The following APP variants were observed in gnomAD, a reference collection of about 807,000 sequenced individuals.
The protein encoded by APP is amyloid beta precursor protein, also known as amyloid-beta precursor protein.
Under a neutral mutation model 101.4 loss-of-function variants are expected in APP, and 31 were observed. The ratio of observed to expected loss-of-function variants is 0.31; its 90% CI spans 0.23 to 0.41. The LOEUF (loss-of-function observed/expected upper bound fraction) is 0.41. APP is among the 10% of genes least tolerant of loss of function. APP has a pLI of 1.00. For synonymous variants in APP, 366 were observed against 364.4 expected, an observed-to-expected ratio of 1.00 and a Z score of -0.05; for missense variants, 839 against 1,003.7, an observed-to-expected ratio of 0.84 and a Z score of 2.22.
chr21:26,152,516 A>G (rs960678419), intron 1 of APP, among the ~76,000 whole-genome samples: 1 of 152,128 alleles, frequency 6.6e-6, no homozygotes, highest in Admixed American at 6.5e-5. Flanking sequence ...CGTAATCTAT[A>G]GCATAATCTC....
intron 3 of APP, among the ~76,000 whole-genome samples, chr21:26,062,472 G>C (rs1357068359): frequency 1.3e-5 from 2 of 151,870 alleles, no homozygotes; most frequent in African/African-American, 4.8e-5. Context: ...AGACCAGCCT[G>C]GCTAACATGG....
Position 26,170,600 on chromosome 21 carries a change from C to A in APP, c.21G>T (p.Leu7=). MLPGLA[L]LLLAAWTARA... ...GAGCCGTCCAGGCGGCCAGCAGGAG[C>A]AGTGCCAAACCGGGCAGCATCGCGA... The change falls in exon 1 of 18, where the codon CTG becomes CTT. Residue 7 remains leucine, a synonymous_variant. Coordinates refer to ENST00000346798, the MANE Select transcript of APP (RefSeq NM_000484.4). 1 of 1,538,464 alleles carries A rather than the reference C, an allele frequency of 6.5e-7. No homozygotes were observed.
chr21:26,170,512 A>G (rs1017218212), intron 1 of APP, 52 bp downstream of exon 1: 40 of 1,524,468 alleles, frequency 2.6e-5, no homozygotes, highest in Non-Finnish European at 3.4e-5. Context: ...CTTGGGGGGT[A>G]TCGCGTCCCC....
intron 4 of APP, among the ~76,000 whole-genome samples, chr21:26,053,021 CAG>C (rs752625882): frequency 2.6e-5 from 4 of 151,994 alleles, no homozygotes; most frequent in African/African-American, 4.8e-5. Context: ...TGTGTGGGGA[CAG>C]GGGGTACACG....
At chr21:26,107,221 T>C (rs895846100) in intron 2 of APP, among the ~76,000 whole-genome samples, 25 of 152,192 alleles carry the variant, frequency 1.6e-4, no homozygotes, top group African/African-American at 5.5e-4. Context: ...AGACACCCCA[T>C]AGCAATGCAA....
chr21:26,083,366 G>A (rs561643543), intron 3 of APP, among the ~76,000 whole-genome samples: 2 of 152,134 alleles, frequency 1.3e-5, no homozygotes, highest in African/African-American at 2.4e-5. Flanking sequence ...TGCTCTCCAA[G>A]AATATTTAAT....
intron 13 of APP, chr21:25,933,721 A>G (rs1569074714): frequency 6.6e-6 from 1 of 152,210 alleles, no homozygotes; most frequent in East Asian, 1.9e-4. Context: ...CAGTTGACAC[A>G]TTTACTCATT....
intron 13 of APP, among the ~76,000 whole-genome samples, chr21:25,931,532 G>A (rs73899715): frequency 0.016 from 2,463 of 152,242 alleles, 72 homozygotes; most frequent in African/African-American, 0.057. Flanking sequence ...AAAGGATGGA[G>A]GAGAAGCCTG....
intron 2 of APP, among the ~76,000 whole-genome samples, chr21:26,096,702 G>A (rs1292903676): frequency 6.6e-6 from 1 of 152,200 alleles, no homozygotes; most frequent in Non-Finnish European, 1.5e-5. Flanking sequence ...GCTTAAGCGA[G>A]GAGGTCGAGG....
chr21:25,977,773 C>T (rs1028212159), intron 9 of APP, among the ~76,000 whole-genome samples: 6 of 152,158 alleles, frequency 3.9e-5, no homozygotes, highest in African/African-American at 1.4e-4. Flanking sequence ...AAGAATAGAA[C>T]ATGGAAGAAA....
intron 5 of APP, among the ~76,000 whole-genome samples, chr21:26,045,049 G>T (rs964103392): frequency 2.6e-5 from 4 of 152,022 alleles, no homozygotes; most frequent in African/African-American, 9.7e-5. Flanking sequence ...TTAGGAAGTG[G>T]ACAAATGCCC....
intron 17 of APP, among the ~76,000 whole-genome samples, chr21:25,886,857 G>A (rs951475949): frequency 1.2e-4 from 18 of 152,176 alleles, no homozygotes; most frequent in African/African-American, 3.1e-4. Context: ...ACGTCAGTGC[G>A]TCTGTATCCT....
At chr21:26,080,110 G>T (rs2061567200) in intron 3 of APP, among the ~76,000 whole-genome samples, 1 of 152,170 alleles carries the variant, frequency 6.6e-6, no homozygotes, top group South Asian at 2.1e-4. Context: ...GGTGACAGGA[G>T]TGAAATTCCG....
At chr21:25,915,316 C>G (rs1366503876) in intron 13 of APP, among the ~76,000 whole-genome samples, 1 of 152,236 alleles carries the variant, frequency 6.6e-6, no homozygotes, top group Non-Finnish European at 1.5e-5. Context: ...CAAATGCCCT[C>G]TCCTGTATGA....
chr21:26,108,359 CTT>C (rs1171605672), intron 2 of APP, among the ~76,000 whole-genome samples: 3 of 152,156 alleles, frequency 2.0e-5, no homozygotes, highest in African/African-American at 7.2e-5. Flanking sequence ...CACATTATAT[CTT>C]TGAGATACGG....
chr21:26,018,873 T>C lies in APP; in HGVS notation c.865+2967A>G, dbSNP rs147736058. Among the ~76,000 whole-genome samples the C allele has an allele frequency of 1.2e-4, 18 of 152,376 alleles. No individual in the cohort carries two copies. The East Asian group carries it at 3.3e-3, about 28-fold the overall frequency. On this transcript the variant is annotated intron_variant, in intron 6 of 17. Transcript: ENST00000346798. ...CTGGAGTGTTTTGTTTATGAAATTCTTTTAACTGCCTTCGTCTTTCTACAG... is the reference window on the plus strand; with the variant it reads ...CTGGAGTGTTTTGTTTATGAAATTCCTTTAACTGCCTTCGTCTTTCTACAG...
At chr21:26,004,906 G>C (rs1440846410) in intron 6 of APP, among the ~76,000 whole-genome samples, 2 of 147,962 alleles carry the variant, frequency 1.4e-5, no homozygotes, top group East Asian at 4.1e-4. Context: ...TGCAGAGTTT[G>C]GTTTTCTGTC....
chr21:26,142,209 T>G (rs2063061260), intron 1 of APP, among the ~76,000 whole-genome samples: 1 of 152,120 alleles, frequency 6.6e-6, no homozygotes, highest in Admixed American at 6.5e-5. Context: ...TCCCTAAGCT[T>G]AGCACAATGC....
At chr21:25,991,745 T>C (rs2042873911) in intron 8 of APP, among the ~76,000 whole-genome samples, 1 of 152,224 alleles carries the variant, frequency 6.6e-6, no homozygotes, top group African/African-American at 2.4e-5. Context: ...TTATTGTCTA[T>C]TGTTGCTTTC....
Sources: gnomAD v4.1 joint callset for allele counts (sites outside exome capture counted in the v4.1 genomes callset) on GRCh38, gnomAD v4.1.1 for gene constraint, MANE v1.5 for transcripts, NCBI Gene and HGNC (gene_info 2026-07-23, HGNC 2026-07-21) for gene names.